The following ZEB1 variants were observed in gnomAD, a reference collection of about 807,000 sequenced individuals.
The protein encoded by ZEB1 is zinc finger E-box binding homeobox 1, also known as zinc finger E-box-binding homeobox 1.
In ZEB1, 21 loss-of-function variants were observed where a neutral mutation model predicts 84.9. The ratio of observed to expected loss-of-function variants is 0.25; its 90% confidence interval spans 0.18 to 0.36. The LOEUF (loss-of-function observed/expected upper bound fraction) is 0.36. Among genes scored for constraint, ZEB1 ranks in the 10% least tolerant of loss-of-function variants. The pLI, the probability that ZEB1 is intolerant of heterozygous loss-of-function variation, is 1.00. For synonymous variants in ZEB1, 420 were observed against 471.1 expected (o/e 0.89, Z 1.41); for missense variants, 1,104 against 1,330.2 (o/e 0.83, Z 2.65).
chr10:31,445,583 A>G (rs1591356383), intron 1 of ZEB1, among the ~76,000 whole-genome samples: 2 of 152,168 alleles, frequency 1.3e-5, no homozygotes, highest in East Asian at 3.8e-4. Context: ...ATTTTGAAGT[A>G]CGTCCCATTA....
intron 1 of ZEB1, chr10:31,321,617 C>T (rs2034086922): frequency 7.5e-6 from 12 of 1,602,272 alleles, no homozygotes; most frequent in Middle Eastern, 1.6e-4. Flanking sequence ...TTGTTGCTGA[C>T]GACATGTGTG....
chr10:31,476,935 C>T (rs186138390), intron 2 of ZEB1, among the ~76,000 whole-genome samples: 1 of 152,100 alleles, frequency 6.6e-6, no homozygotes, highest in African/African-American at 2.4e-5. Context: ...TCATATATGA[C>T]AAAGTCACAG....
chr10:31,367,064 TCTTA>T (rs1234608137), intron 1 of ZEB1, among the ~76,000 whole-genome samples: 2 of 152,182 alleles, frequency 1.3e-5, no homozygotes, highest in Non-Finnish European at 2.9e-5. Flanking sequence ...GCCCGGGACC[TCTTA>T]CTTATTTCTG....
chr10:31,363,123 T>G, intron 1 of ZEB1: 1 of 1,533,972 alleles, frequency 6.5e-7, no homozygotes. Context: ...AAGACCTACT[T>G]GATCCAAGAG....
At chr10:31,494,527 G>A (rs533064031) in intron 2 of ZEB1, among the ~76,000 whole-genome samples, 2 of 152,096 alleles carry the variant, frequency 1.3e-5, no homozygotes, top group South Asian at 4.1e-4. Flanking sequence ...TACTTGATTA[G>A]TGCTCTATTT....
intron 1 of ZEB1, chr10:31,321,449 A>G: frequency 6.2e-7 from 1 of 1,613,966 alleles, no homozygotes; most frequent in South Asian, 1.1e-5. Flanking sequence ...AGGCTATTGC[A>G]ATTTTAATTT....
intron 1 of ZEB1, among the ~76,000 whole-genome samples, chr10:31,390,383 C>A (rs1029023573): frequency 6.6e-6 from 1 of 152,122 alleles, no homozygotes; most frequent in Non-Finnish European, 1.5e-5. Context: ...TAGCCCATTT[C>A]TTCCTAATGA....
At chr10:31,338,645 C>G (rs1192275892) in intron 1 of ZEB1, among the ~76,000 whole-genome samples, 1 of 152,122 alleles carries the variant, frequency 6.6e-6, no homozygotes. Flanking sequence ...AAAAGCAATA[C>G]TGGTAAATTA....
At chr10:31,341,964 T>G (rs1001911773) in intron 1 of ZEB1, among the ~76,000 whole-genome samples, 4 of 152,160 alleles carry the variant, frequency 2.6e-5, no homozygotes, top group African/African-American at 7.2e-5. Flanking sequence ...GTTGTGAGTT[T>G]AGGGAAACCA....
intron 1 of ZEB1, among the ~76,000 whole-genome samples, chr10:31,455,406 A>G (rs962787298): frequency 6.6e-6 from 1 of 152,250 alleles, no homozygotes; most frequent in Non-Finnish European, 1.5e-5. Flanking sequence ...GCCAAAATTG[A>G]CAAATGGGAT....
intron 1 of ZEB1, among the ~76,000 whole-genome samples, chr10:31,365,869 C>G (rs1283921497): frequency 6.6e-6 from 1 of 152,174 alleles, no homozygotes; most frequent in Non-Finnish European, 1.5e-5. Flanking sequence ...GTATGCTCTA[C>G]TGAATATAGG....
At chr10:31,458,386 T>G (rs1031799488) in intron 1 of ZEB1, among the ~76,000 whole-genome samples, 1 of 150,034 alleles carries the variant, frequency 6.7e-6, no homozygotes, top group African/African-American at 2.5e-5. Flanking sequence ...TACTATGAGT[T>G]AAAGGCCCAT....
chr10:31,371,911 A>G (rs2045776932), intron 1 of ZEB1, among the ~76,000 whole-genome samples: 1 of 152,152 alleles, frequency 6.6e-6, no homozygotes. Flanking sequence ...TAAGTGGATT[A>G]TTCACTTTAT....
intron 1 of ZEB1, among the ~76,000 whole-genome samples, chr10:31,386,496 C>G (rs905724400): frequency 6.6e-6 from 1 of 151,932 alleles, no homozygotes; most frequent in Non-Finnish European, 1.5e-5. Context: ...TCTTAATCAT[C>G]GCAATTTTTT....
intron 1 of ZEB1, among the ~76,000 whole-genome samples, chr10:31,459,347 TATAAG>T (rs753390783): frequency 1.1e-4 from 16 of 152,234 alleles, no homozygotes; most frequent in South Asian, 4.1e-4. Context: ...TTATATTAAA[TATAAG>T]ATAAGGTGAG....
At chr10:31,415,586 G>A (rs1301391876) in intron 1 of ZEB1, among the ~76,000 whole-genome samples, 1 of 151,930 alleles carries the variant, frequency 6.6e-6, no homozygotes, top group African/African-American at 2.4e-5. Flanking sequence ...TTTCAGTTAT[G>A]TAATTGGTTT....
chr10:31,442,339 T>A (rs768916836), intron 1 of ZEB1, among the ~76,000 whole-genome samples: 1 of 151,974 alleles, frequency 6.6e-6, no homozygotes, highest in African/African-American at 2.4e-5. Context: ...GTTCTCACTC[T>A]TAGGTGGGAA....
intron 1 of ZEB1, among the ~76,000 whole-genome samples, chr10:31,417,884 C>T (rs2055487852): frequency 6.6e-6 from 1 of 151,978 alleles, no homozygotes; most frequent in South Asian, 2.1e-4. Context: ...TCTATTCTCT[C>T]AGCCTGCTTA....
intron 1 of ZEB1, among the ~76,000 whole-genome samples, chr10:31,375,211 C>T (rs2046418104): frequency 6.6e-6 from 1 of 151,686 alleles, no homozygotes; most frequent in African/African-American, 2.4e-5. Flanking sequence ...TGGATATACT[C>T]AAAGTCACCA....
Sources: gnomAD v4.1 joint callset for allele counts (sites outside exome capture counted in the v4.1 genomes callset) on GRCh38, gnomAD v4.1.1 for gene constraint, MANE v1.5 for transcripts, NCBI Gene and HGNC (gene_info 2026-07-23, HGNC 2026-07-21) for gene names.